THSD7B: variants seen among roughly 807,000 people sequenced by gnomAD.
The protein encoded by THSD7B is thrombospondin type 1 domain containing 7B.
Under a neutral mutation model 213.6 loss-of-function variants are expected in THSD7B, and 138 were observed. The ratio of observed to expected loss-of-function variants is 0.65; its 90% CI spans 0.56 to 0.74. The LOEUF (loss-of-function observed/expected upper bound fraction) is 0.74. Among genes scored for constraint, THSD7B ranks in the 30% least tolerant of loss-of-function variants. The pLI, the probability that THSD7B is intolerant of heterozygous loss-of-function variation, is 0.00. For missense variants in THSD7B, 1,931 were observed against 1,991.5 expected (o/e 0.97, Z 0.58); for synonymous variants, 742 against 687.0 (o/e 1.08, Z -1.25).
intron 5 of THSD7B, among the ~76,000 whole-genome samples, chr2:137,123,970 T>C (rs1169700561): frequency 1.3e-5 from 2 of 152,174 alleles, no homozygotes; most frequent in Non-Finnish European, 2.9e-5. Flanking sequence ...CGATATTTCC[T>C]GAACAAATGA....
Position 137,455,370 on chromosome 2 carries a change from C to T in THSD7B, c.3138+4347C>T, listed in dbSNP as rs150598549. Among the ~76,000 whole-genome samples, 12 of 152,266 alleles carry T rather than the reference C, an allele frequency of 7.9e-5. No individual in the cohort carries two copies. In the East Asian group the frequency reaches 2.3e-3, roughly 29 times the overall value. On this transcript the variant is annotated intron_variant, in intron 15 of 27. Transcript: ENST00000409968. ...GATCAGAATCCCCAAATTATCATTG[C>T]CCAAAAAGTCTTTACAATTTTCCTG...
chr2:136,853,264 C>A (rs1683128911), intron 1 of THSD7B, among the ~76,000 whole-genome samples: 2 of 152,132 alleles, frequency 1.3e-5, no homozygotes, highest in South Asian at 4.1e-4. Flanking sequence ...CATATGGAAT[C>A]CAGGATCTTG....
chr2:136,911,409 T>C (rs565667381), intron 2 of THSD7B, among the ~76,000 whole-genome samples: 6 of 152,174 alleles, frequency 3.9e-5, no homozygotes, highest in Admixed American at 3.9e-4. Context: ...CCTCTGGAGA[T>C]TTTATTGATA....
chr2:137,293,337 C>T (rs1179671162), intron 12 of THSD7B, among the ~76,000 whole-genome samples: 1 of 151,892 alleles, frequency 6.6e-6, no homozygotes, highest in Non-Finnish European at 1.5e-5. Flanking sequence ...CGGGTTTTGC[C>T]ATGTTGCCCA....
At chr2:136,923,195 G>A (rs1210302626) in intron 2 of THSD7B, among the ~76,000 whole-genome samples, 1 of 152,164 alleles carries the variant, frequency 6.6e-6, no homozygotes, top group Non-Finnish European at 1.5e-5. Flanking sequence ...CTTCATATGA[G>A]TGGAATCATA....
At chr2:137,495,234 C>A (rs1279249594) in intron 15 of THSD7B, among the ~76,000 whole-genome samples, 1 of 151,806 alleles carries the variant, frequency 6.6e-6, no homozygotes, top group Non-Finnish European at 1.5e-5. Context: ...TAAATAATAC[C>A]CAGGAAAAAC....
At chr2:137,442,965 T>A (rs1175207088) in intron 14 of THSD7B, among the ~76,000 whole-genome samples, 1 of 152,120 alleles carries the variant, frequency 6.6e-6, no homozygotes, top group African/African-American at 2.4e-5. Context: ...CTTTATTGTG[T>A]TGCAAATGCC....
chr2:137,259,215 T>A (rs1187236638), intron 10 of THSD7B, among the ~76,000 whole-genome samples: 1 of 152,168 alleles, frequency 6.6e-6, no homozygotes, highest in Admixed American at 6.6e-5. Flanking sequence ...ATGGGGTTGG[T>A]GGGTCAAATG....
At chr2:136,957,520 C>T (rs757703898) in intron 2 of THSD7B, among the ~76,000 whole-genome samples, 10 of 151,598 alleles carry the variant, frequency 6.6e-5, no homozygotes, top group African/African-American at 1.2e-4. Flanking sequence ...GAAAGAGTCC[C>T]GACAAATTTA....
intron 14 of THSD7B, among the ~76,000 whole-genome samples, chr2:137,441,501 C>A (rs930527948): frequency 1.3e-5 from 2 of 152,092 alleles, no homozygotes; most frequent in Non-Finnish European, 2.9e-5. Flanking sequence ...TTCTGCTACA[C>A]TGTGAAGGTT....
chr2:137,158,786 T>C (rs978992780), intron 5 of THSD7B, among the ~76,000 whole-genome samples: 1 of 152,166 alleles, frequency 6.6e-6, no homozygotes, highest in African/African-American at 2.4e-5. Flanking sequence ...AGAAAGTAGA[T>C]GGTATGATTT....
intron 2 of THSD7B, among the ~76,000 whole-genome samples, chr2:136,888,802 G>C (rs115944986): frequency 3.4e-4 from 51 of 151,868 alleles, no homozygotes; most frequent in African/African-American, 1.1e-3. Flanking sequence ...TAAAATATAG[G>C]CTCCCTGAGG....
intron 14 of THSD7B, among the ~76,000 whole-genome samples, chr2:137,418,487 TATAATC>T (rs1372793011): frequency 1.3e-5 from 2 of 152,244 alleles, no homozygotes; most frequent in Non-Finnish European, 2.9e-5. Flanking sequence ...GAAACACTCA[TATAATC>T]ATATCAGGTT....
chr2:137,494,052 C>A (rs1330995977), intron 15 of THSD7B, among the ~76,000 whole-genome samples: 1 of 152,194 alleles, frequency 6.6e-6, no homozygotes, highest in Non-Finnish European at 1.5e-5. Flanking sequence ...GGAAATCAAT[C>A]TTCCTGCCTC....
intron 17 of THSD7B, among the ~76,000 whole-genome samples, chr2:137,576,953 A>C (rs1229616031): frequency 1.3e-5 from 2 of 151,998 alleles, no homozygotes; most frequent in Non-Finnish European, 2.9e-5. Context: ...TTAGTACTAG[A>C]GCTTAGCTCT....
At chr2:136,842,780 T>A (rs1682938834) in intron 1 of THSD7B, among the ~76,000 whole-genome samples, 1 of 152,232 alleles carries the variant, frequency 6.6e-6, no homozygotes, top group African/African-American at 2.4e-5. Context: ...AACCCATTAC[T>A]TCATTATCTG....
intron 15 of THSD7B, among the ~76,000 whole-genome samples, chr2:137,481,834 A>G (rs749304210): frequency 2.2e-4 from 34 of 152,214 alleles, no homozygotes; most frequent in Non-Finnish European, 4.0e-4. Context: ...AACGATGCTT[A>G]TAATTTTAAA....
At chr2:137,257,794 G>T (rs956905770) in intron 10 of THSD7B, among the ~76,000 whole-genome samples, 2 of 152,130 alleles carry the variant, frequency 1.3e-5, no homozygotes, top group African/African-American at 4.8e-5. Context: ...AACATCTAAG[G>T]ATTGGAGGAA....
intron 2 of THSD7B, among the ~76,000 whole-genome samples, chr2:136,883,450 TG>T (rs1489583925): frequency 6.6e-6 from 1 of 152,026 alleles, no homozygotes; most frequent in East Asian, 1.9e-4. Flanking sequence ...ATTACTGATT[TG>T]CATTTTTTTT....
Sources: gnomAD v4.1 joint callset for allele counts (sites outside exome capture counted in the v4.1 genomes callset) on GRCh38, gnomAD v4.1.1 for gene constraint, MANE v1.5 for transcripts, NCBI Gene and HGNC (gene_info 2026-07-23, HGNC 2026-07-21) for gene names.